DHRS7C: variants seen among roughly 807,000 people sequenced by gnomAD.
DHRS7C encodes dehydrogenase/reductase SDR family member 7C.
DHRS7C carries 28 observed loss-of-function variants against 29.6 expected under a neutral mutation model. The observed-to-expected ratio is 0.95, with a 90% CI of 0.70 to 1.30. The LOEUF (loss-of-function observed/expected upper bound fraction) is 1.30, where lower values mean the gene tolerates loss of function less well. DHRS7C is among the 50% of genes most tolerant of loss of function. The probability of loss-of-function intolerance (pLI) is 0.00; values close to 1 mark genes in which losing one functional copy is unlikely to be tolerated. For missense variants in DHRS7C, 403 were observed against 393.3 expected, an observed-to-expected ratio of 1.02 and a Z score of -0.21; for synonymous variants, 158 against 160.2, an observed-to-expected ratio of 0.99 and a Z score of 0.10.
chr17:9,782,119 A>G (rs998539962), intron 1 of DHRS7C, among the ~76,000 whole-genome samples: 1 of 152,186 alleles, frequency 6.6e-6, no homozygotes. Context: ...TTCTCAACTA[A>G]GTGTTACCTG....
At chr17:9,782,186 C>T (rs867350525) in intron 1 of DHRS7C, among the ~76,000 whole-genome samples, 52 of 152,320 alleles carry the variant, frequency 3.4e-4, no homozygotes, top group Admixed American at 2.6e-4. Context: ...GCAATAGAAG[C>T]TCACAGATTT....
At chr17:9,786,457 C>T (rs1162574036) in intron 1 of DHRS7C, among the ~76,000 whole-genome samples, 1 of 151,596 alleles carries the variant, frequency 6.6e-6, no homozygotes, top group Non-Finnish European at 1.5e-5. Context: ...GGTGTACTGT[C>T]TCACGACACC....
At chr17:9,773,003 C>G (rs907580199) in intron 4 of DHRS7C, 81 bp from the exon 5 acceptor site, 9 of 1,524,422 alleles carry the variant, frequency 5.9e-6, no homozygotes, top group East Asian at 4.6e-5. Flanking sequence ...GCAGGAGGGC[C>G]GACAGACACA....
intron 4 of DHRS7C, among the ~76,000 whole-genome samples, chr17:9,776,352 C>T (rs555003520): frequency 4.1e-4 from 62 of 152,268 alleles, no homozygotes; most frequent in African/African-American, 1.3e-3. Flanking sequence ...CCAGCCCTGC[C>T]GACACTTTGA....
chr17:9,784,215 G>C (rs1597929053), intron 1 of DHRS7C, among the ~76,000 whole-genome samples: 1 of 152,122 alleles, frequency 6.6e-6, no homozygotes, highest in East Asian at 1.9e-4. Context: ...GCTCACACCT[G>C]TAATCCCAGC....
intron 1 of DHRS7C, among the ~76,000 whole-genome samples, chr17:9,782,405 G>C (rs1271515720): frequency 1.3e-5 from 2 of 152,148 alleles, no homozygotes; most frequent in African/African-American, 2.4e-5. Context: ...TGAGGTCATG[G>C]AATAGGGGCC....
chr17:9,773,697 T>C (rs1221872962), intron 4 of DHRS7C, among the ~76,000 whole-genome samples: 1 of 151,160 alleles, frequency 6.6e-6, no homozygotes, highest in Non-Finnish European at 1.5e-5. Context: ...ACTAGCAAGC[T>C]TCTAGTTCTC....
At chr17:9,773,069 A>G in intron 4 of DHRS7C, 147 bp from the exon 5 acceptor site, 1 of 1,006,514 alleles carries the variant, frequency 9.9e-7, no homozygotes, top group South Asian at 1.7e-5. Flanking sequence ...TCACTTTACA[A>G]ATGAGGACAG....
chr17:9,778,267 G>C (rs909894118), intron 3 of DHRS7C, among the ~76,000 whole-genome samples: 1 of 151,942 alleles, frequency 6.6e-6, no homozygotes, highest in Non-Finnish European at 1.5e-5. Context: ...GGTGGCGGGC[G>C]CCTGTAGTCC....
intron 3 of DHRS7C, among the ~76,000 whole-genome samples, chr17:9,779,170 C>T (rs1434862117): frequency 2.0e-5 from 3 of 152,162 alleles, no homozygotes; most frequent in African/African-American, 4.8e-5. Context: ...CTATTCTACT[C>T]TATGGTCATT....
intron 4 of DHRS7C, among the ~76,000 whole-genome samples, chr17:9,773,719 CTTTTTTTT>C (rs757682123): frequency 2.3e-5 from 2 of 86,006 alleles, no homozygotes; most frequent in South Asian, 3.9e-4. Context: ...GCAATGAGGC[CTTTTTTTT>C]TTTTTTTTTT....
chr17:9,777,315 T>A, intron 3 of DHRS7C, 30 bp from the exon 4 acceptor site: 1 of 1,598,704 alleles, frequency 6.3e-7, no homozygotes, highest in South Asian at 1.1e-5. Flanking sequence ...GCATCATGGT[T>A]AAAACTTTGA....
intron 3 of DHRS7C, among the ~76,000 whole-genome samples, chr17:9,779,550 T>TGTAA (rs372946264): frequency 6.6e-6 from 1 of 152,292 alleles, no homozygotes; most frequent in African/African-American, 2.4e-5. Context: ...AAGCCATGGA[T>TGTAA]GTAAGGAGAG....
intron 1 of DHRS7C, among the ~76,000 whole-genome samples, chr17:9,790,083 C>T (rs905589508): frequency 1.3e-5 from 2 of 151,990 alleles, no homozygotes; most frequent in African/African-American, 2.4e-5. Context: ...ATTGGGATGC[C>T]GAAGAGGCTA....
Position 9,771,716 on chromosome 17 carries a change from G to A in DHRS7C, c.728-20C>T. On this transcript the variant is annotated intron_variant, in intron 5 of 5. Transcript: ENST00000571134. ...AAAAGACTGAAAGGCCCCAGTTGGG[G>A]GCGGGGGTTATGACCTCCGTGGGGA... The A allele has an allele frequency of 7.0e-7, 1 of 1,432,346 alleles. No homozygotes were observed. Among genetic ancestry groups the A allele is most frequent in the Non-Finnish European group, 9.2e-7 (1 of 1,083,444 alleles). 88.7% of individuals were successfully genotyped at this position (1,432,346 alleles called of 1,614,324 possible).
intron 4 of DHRS7C, among the ~76,000 whole-genome samples, chr17:9,773,422 A>G (rs1401303929): frequency 6.6e-6 from 1 of 152,034 alleles, no homozygotes; most frequent in Non-Finnish European, 1.5e-5. Context: ...CGTCCAGGTA[A>G]TCCACTCACC....
intron 4 of DHRS7C, among the ~76,000 whole-genome samples, chr17:9,773,581 G>C (rs1354275586): frequency 3.9e-5 from 6 of 152,114 alleles, no homozygotes; most frequent in Admixed American, 3.9e-4. Flanking sequence ...CATTTTAGGG[G>C]TGTCAGTCAG....
chr17:9,777,581 C>T (rs544090025), intron 3 of DHRS7C, among the ~76,000 whole-genome samples: 7 of 149,238 alleles, frequency 4.7e-5, no homozygotes, highest in East Asian at 3.9e-4. Context: ...TTATTTTCCT[C>T]TCAAATTTTG....
At position 9,774,846 on chromosome 17, in the gene DHRS7C, G is replaced by A. The variant is rs1269520503; in HGVS notation, c.572-1924C>T. 6.6e-6 allele frequency among the ~76,000 whole-genome samples: 1 copy of A among 152,216 alleles called. No homozygotes were observed. The highest frequency in any genetic ancestry group is 2.4e-5 in the African/African-American group (1 of 41,452). Reference sequence around the variant, plus strand: ...TTGTGTCTTTCCAAAGCCGGATTCAGAGGAAGAAGAGAATTTGGGGCCAGT... The same window carrying A: ...TTGTGTCTTTCCAAAGCCGGATTCAAAGGAAGAAGAGAATTTGGGGCCAGT... On this transcript the variant is annotated intron_variant, in intron 4 of 5. Coordinates refer to ENST00000571134, the MANE Select transcript of DHRS7C (RefSeq NM_001105571.3). This position sits in a 1 kb window ranked among gnomAD's most constrained non-coding sequence, Gnocchi z 5.0.
Sources: allele counts gnomAD v4.1 joint callset (sites outside exome capture counted in the v4.1 genomes callset), GRCh38; gene constraint gnomAD v4.1.1; non-coding constraint Gnocchi (gnomAD v3.1); transcripts MANE v1.5; gene names NCBI Gene and HGNC (gene_info 2026-07-23, HGNC 2026-07-21).